Variants in PDZD2 observed in about 807,000 individuals in gnomAD.
PDZD2 encodes the protein PDZ domain-containing protein 2.
A neutral mutation model predicts 220.7 loss-of-function variants in PDZD2; 90 were observed. The observed-to-expected ratio is 0.41, with a 90% CI of 0.34 to 0.49. The LOEUF is 0.49. Ranked by LOEUF, PDZD2 falls within the 20% of genes least tolerant of loss-of-function variation. PDZD2 has a pLI of 0.28. For missense variants in PDZD2, 3,174 were observed against 3,608.5 expected, an observed-to-expected ratio of 0.88 and a Z score of 3.08; for synonymous variants, 1,375 against 1,450.5, an observed-to-expected ratio of 0.95 and a Z score of 1.18.
chr5:31,885,754 T>C (rs1428954098), intron 2 of PDZD2, among the ~76,000 whole-genome samples: 2 of 152,184 alleles, frequency 1.3e-5, no homozygotes, highest in East Asian at 3.8e-4. Flanking sequence ...ATTTTTTTTC[T>C]ATACGAATAT....
At chr5:31,862,642 C>T (rs774612349) in intron 2 of PDZD2, among the ~76,000 whole-genome samples, 5 of 151,364 alleles carry the variant, frequency 3.3e-5, no homozygotes, top group Non-Finnish European at 7.4e-5. Flanking sequence ...CTCACTGCAA[C>T]CTCTGCCTCC....
chr5:32,043,973 C>A (rs1737677051), intron 7 of PDZD2, among the ~76,000 whole-genome samples: 1 of 152,110 alleles, frequency 6.6e-6, no homozygotes, highest in South Asian at 2.1e-4. Flanking sequence ...TTTTTATTTT[C>A]ATTCTTATTG....
chr5:32,029,172 A>T (rs1754927869), intron 6 of PDZD2, among the ~76,000 whole-genome samples: 1 of 152,072 alleles, frequency 6.6e-6, no homozygotes, highest in Admixed American at 6.6e-5. Context: ...ATGCAAATAA[A>T]AAAAAGTAAG....
At chr5:32,042,675 G>C (rs1199607986) in intron 7 of PDZD2, among the ~76,000 whole-genome samples, 1 of 152,214 alleles carries the variant, frequency 6.6e-6, no homozygotes, top group Non-Finnish European at 1.5e-5. Context: ...TTACAACATG[G>C]ATTGGGGACC....
rs189729485 is a variant in PDZD2 at position 32,110,355 on chromosome 5, C to G, written c.*2220C>G. Reference sequence around the variant, plus strand: ...AAGTCATCAGCCACTGCTACTACATCTTGCCAGAAGGTTTCCCTCGCCAAC... The same window carrying G: ...AAGTCATCAGCCACTGCTACTACATGTTGCCAGAAGGTTTCCCTCGCCAAC... On this transcript the variant is annotated 3_prime_UTR_variant, in exon 25 of 25. Transcript: ENST00000438447. 6.5e-6 allele frequency: 1 copy of G among 152,774 alleles called. No individual in the cohort carries two copies. The highest frequency in any genetic ancestry group is 6.5e-5 in the Admixed American group (1 of 15,304). The allele number at this position is 152,774 out of a possible 1,614,324, so 9.5% of individuals were successfully genotyped here. A position where few individuals can be genotyped will look rare whatever the true frequency, so the allele number is the denominator to read the frequency against.
intron 2 of PDZD2, among the ~76,000 whole-genome samples, chr5:31,818,054 C>T (rs1236356193): frequency 1.3e-5 from 2 of 150,940 alleles, no homozygotes; most frequent in East Asian, 3.9e-4. Context: ...ACCGCAGCCT[C>T]AACTTCCCGG....
At chr5:31,652,658 A>C (rs7727036) in intron 1 of PDZD2, among the ~76,000 whole-genome samples, 66,083 of 152,090 alleles carry the variant, frequency 0.43, 15,674 homozygotes, top group South Asian at 0.63. Context: ...TATCAATTGC[A>C]TCAAATTGTT....
At position 32,058,055 on chromosome 5, in the gene PDZD2, A is replaced by G. The variant is rs750185477; in HGVS notation, c.2152A>G (p.Thr718Ala). 6.2e-7 allele frequency: 1 copy of G among 1,611,202 alleles called. No homozygotes were observed. The highest frequency in any genetic ancestry group is 8.5e-7 in the Non-Finnish European group (1 of 1,177,598). ...CAGTTCTTCATCCCTGGGTCGGAAG[A>G]CCCCTGGGCCCAAGGACAGGATCGT... ...EGSSSSLGRK[T>A]PGPKDRIVME... The change falls in exon 12 of 25, where the codon ACC (threonine) becomes GCC (alanine). Residue 718 changes from threonine (T) to alanine (A), a missense_variant. This residue lies in a region of PDZD2 where 1,861 missense variants were observed against 2,001.0 expected (regional missense o/e 0.93). Transcript: ENST00000438447.
intron 2 of PDZD2, among the ~76,000 whole-genome samples, chr5:31,885,896 T>C (rs1740416860): frequency 6.6e-6 from 1 of 151,036 alleles, no homozygotes; most frequent in Non-Finnish European, 1.5e-5. Context: ...TTTTTTTGTT[T>C]GTTGTTTTTG....
intron 5 of PDZD2, among the ~76,000 whole-genome samples, chr5:32,002,895 A>ACACACACACC: frequency 5.8e-4 from 1 of 1,722 alleles, no homozygotes; most frequent in African/African-American, 2.1e-3. Context: ...ACACACACCA[A>ACACACACACC]CACACACCCC....
chr5:31,908,211 C>T (rs768056127), intron 2 of PDZD2: 14 of 167,022 alleles, frequency 8.4e-5, no homozygotes, highest in Non-Finnish European at 1.8e-4. Context: ...ACATTTCCCT[C>T]TATTTTCTTT....
chr5:31,857,495 TTG>T (rs1758561671), intron 2 of PDZD2, among the ~76,000 whole-genome samples: 1 of 152,124 alleles, frequency 6.6e-6, no homozygotes, highest in African/African-American at 2.4e-5. Context: ...TTGACATAGG[TTG>T]CATGGAGTAG....
chr5:31,944,273 A>C (rs1233840573), intron 2 of PDZD2, among the ~76,000 whole-genome samples: 1 of 152,226 alleles, frequency 6.6e-6, no homozygotes, highest in Non-Finnish European at 1.5e-5. Flanking sequence ...AAGGGCTACC[A>C]TTTGATATTT....
intron 2 of PDZD2, among the ~76,000 whole-genome samples, chr5:31,902,383 A>C (rs901162694): frequency 1.3e-5 from 2 of 151,602 alleles, no homozygotes; most frequent in Admixed American, 6.6e-5. Context: ...ATTTTTGTAT[A>C]TCTTCTTTGG....
chr5:31,986,067 C>T (rs1366565652), intron 3 of PDZD2, among the ~76,000 whole-genome samples: 1 of 120,358 alleles, frequency 8.3e-6, no homozygotes, highest in Non-Finnish European at 1.7e-5. Context: ...AAGAGCGAAA[C>T]TCTTGTCTCA....
chr5:31,904,918 G>T (rs1231071838), intron 2 of PDZD2, among the ~76,000 whole-genome samples: 1 of 152,042 alleles, frequency 6.6e-6, no homozygotes, highest in African/African-American at 2.4e-5. Context: ...ATAAAATTAT[G>T]CAAGTGAGTC....
intron 1 of PDZD2, among the ~76,000 whole-genome samples, chr5:31,657,548 A>G (rs6885718): frequency 0.14 from 20,558 of 152,200 alleles, 1,998 homozygotes; most frequent in African/African-American, 0.27. Flanking sequence ...ATAGGCTTAC[A>G]GGAAAGGCCA....
chr5:31,981,124 T>A (rs1442915767), intron 2 of PDZD2, among the ~76,000 whole-genome samples: 7 of 152,172 alleles, frequency 4.6e-5, no homozygotes, highest in Non-Finnish European at 7.4e-5. Flanking sequence ...CCTCTGTATT[T>A]TGCACGGTGA....
In PDZD2 at chr5:32,098,319, G is replaced by GT. The variant is rs780980975; in HGVS notation, c.7948-44dup. Reference sequence around the variant, plus strand: ...TACTATCTCCCTTTTACCGGAAATCGTAAGTGGATCTGGTTTTTGTTCCCT... The same window carrying GT: ...TACTATCTCCCTTTTACCGGAAATCGTTAAGTGGATCTGGTTTTTGTTCCCT... On this transcript the variant is annotated intron_variant, in intron 22 of 24. Coordinates refer to ENST00000438447, the MANE Select transcript of PDZD2 (RefSeq NM_178140.4). This position sits in a 1 kb window ranked among gnomAD's most constrained non-coding sequence, Gnocchi z 4.1. 1.3e-5 allele frequency: 21 copies of GT among 1,589,124 alleles called. No individual in the cohort carries two copies. The highest frequency in any genetic ancestry group is 9.5e-5 in the African/African-American group (7 of 73,868).
Sources: allele counts gnomAD v4.1 joint callset (sites outside exome capture counted in the v4.1 genomes callset), GRCh38; gene constraint gnomAD v4.1.1; regional missense constraint gnomAD v4.1.1; non-coding constraint Gnocchi (gnomAD v3.1); transcripts MANE v1.5; gene names NCBI Gene and HGNC (gene_info 2026-07-23, HGNC 2026-07-21).